PRCD: variants seen among roughly 807,000 people sequenced by gnomAD.
PRCD encodes photoreceptor disk component PRCD.
In PRCD, 12 loss-of-function variants were observed where a neutral mutation model predicts 10.1. That is an observed-to-expected ratio of 1.18 (90% CI 0.76 to 1.92). The LOEUF (loss-of-function observed/expected upper bound fraction) is 1.92. Ranked by LOEUF, PRCD falls within the 40% of genes most tolerant of loss-of-function variation. The probability of loss-of-function intolerance (pLI) is 0.00; values close to 1 mark genes in which losing one functional copy is unlikely to be tolerated. For missense variants in PRCD, 61 were observed against 72.2 expected (o/e 0.84, Z 0.56); for synonymous variants, 31 against 26.2 (o/e 1.18, Z -0.56).
chr17:76,532,881 A>C (rs2074864698), intron 1 of PRCD, among the ~76,000 whole-genome samples: 1 of 152,196 alleles, frequency 6.6e-6, no homozygotes, highest in Admixed American at 6.5e-5. Flanking sequence ...GCTGGATGTC[A>C]TGTGAGACAT....
chr17:76,531,201 C>T lies in PRCD; in HGVS notation n.45+3368C>T. 6.5e-7 allele frequency: 1 copy of T among 1,540,678 alleles called. No individual in the cohort carries two copies. ...CCGGGCGCCCTGCGTCCTGCAACCC[C>T]CAGGCCCCTCCGCCCCACGTGTGGC... On this transcript the variant is annotated intron_variant and non_coding_transcript_variant, in intron 1 of 4. Transcript: ENST00000397633. This position sits in a 1 kb window ranked among gnomAD's most constrained non-coding sequence, Gnocchi z 7.4.
chr17:76,528,738 G>T lies in PRCD; in HGVS notation n.45+905G>T. On this transcript the variant is annotated intron_variant and non_coding_transcript_variant, in intron 1 of 4. Transcript: ENST00000397633. This position sits in a 1 kb window ranked among gnomAD's most constrained non-coding sequence, Gnocchi z 5.8. The stretch of plus-strand genomic sequence containing the variant: ...CCAAGAGATCCGGCACAGTGCAGTT[G>T]AAAGCAACCGTGAGACCCAAGTTCT... 1 of 1,065,306 alleles carries T rather than the reference G, an allele frequency of 9.4e-7. No individual in the cohort carries two copies. Among genetic ancestry groups the T allele is most frequent in the Non-Finnish European group, 1.2e-6 (1 of 824,792 alleles). The allele number at this position is 1,065,306 out of a possible 1,614,324, so 66.0% of individuals were successfully genotyped here.
chr17:76,546,907 G>A (rs973714146), downstream of PRCD: 1 of 152,248 alleles, frequency 6.6e-6, no homozygotes, highest in Non-Finnish European at 1.5e-5. This position sits in a 1 kb window ranked among gnomAD's most constrained non-coding sequence, Gnocchi z 4.5. Context: ...ATAGCTGGCA[G>A]TGAAGCCAGG....
chr17:76,543,480 C>T, intron 4 of PRCD: 1 of 345,154 alleles, frequency 2.9e-6, no homozygotes, highest in East Asian at 7.6e-5. Flanking sequence ...TTCAGTCACC[C>T]ACAGAGCCTG....
At position 76,544,838 on chromosome 17, in the gene PRCD, C is replaced by T. The variant is rs887925408; in HGVS notation, c.*1188C>T. ...TCCACTGGTCTGAGGAATTGTCAGG[C>T]CAAGGTCATGGAGCTGGCTCACGGC... On this transcript the variant is annotated 3_prime_UTR_variant, in exon 5 of 5. Coordinates refer to ENST00000592014, the MANE Select transcript of PRCD (RefSeq NM_001077620.3). 15 of 456,828 alleles carry T rather than the reference C, an allele frequency of 3.3e-5. No individual in the cohort carries two copies. Among genetic ancestry groups the T allele is most frequent in the East Asian group, 1.4e-4 (2 of 14,402 alleles). 28.3% of individuals were successfully genotyped at this position (456,828 alleles called of 1,614,324 possible). A position where few individuals can be genotyped will look rare whatever the true frequency, so the allele number is the denominator to read the frequency against.
At chr17:76,535,237 A>C (rs1188191902), upstream of PRCD, among the ~76,000 whole-genome samples, 1 of 152,200 alleles carries the variant, frequency 6.6e-6, no homozygotes, top group Non-Finnish European at 1.5e-5. Flanking sequence ...CTGCAGGCTC[A>C]TAAGGGCTGA....
At chr17:76,537,658 G>T, upstream of PRCD, 2 of 921,692 alleles carry the variant, frequency 2.2e-6, no homozygotes, top group South Asian at 4.8e-5. Flanking sequence ...GCGGGCGAGG[G>T]GTAGAGCGCG....
Position 76,551,447 on chromosome 17 carries a change from GT to G in PRCD, n.84-1660del, listed in dbSNP as rs2075108292. On this transcript the variant is annotated intron_variant and non_coding_transcript_variant, in intron 1 of 1. Coordinates refer to the PRCD transcript ENST00000587063. ...TGCATCGCTTTTTTTCCTGTACACT[GT>G]TGGCAAGCACAGATAATCCACAACT... The G allele has an allele frequency of 2.0e-5, 3 of 152,304 alleles. No individual in the cohort carries two copies. In the East Asian group the frequency reaches 5.8e-4, roughly 29 times the overall value. The allele number at this position is 152,304 out of a possible 1,614,324, so 9.4% of individuals were successfully genotyped here. A position where few individuals can be genotyped will look rare whatever the true frequency, so the allele number is the denominator to read the frequency against.
Position 76,544,285 on chromosome 17 carries a change from T to C in PRCD, c.*635T>C, listed in dbSNP as rs1453284035. ...GTCTCTGCCTGGCTGGCCCGTGCCCTTGACTTCCAGGCAGTAGAAGATGGA... is the reference window on the plus strand; with the variant it reads ...GTCTCTGCCTGGCTGGCCCGTGCCCCTGACTTCCAGGCAGTAGAAGATGGA... On this transcript the variant is annotated 3_prime_UTR_variant, in exon 5 of 5. Coordinates refer to ENST00000592014, the MANE Select transcript of PRCD (RefSeq NM_001077620.3). The C allele has an allele frequency of 2.2e-6, 1 of 454,348 alleles. No individual in the cohort carries two copies. The highest frequency in any genetic ancestry group is 1.6e-5 in the South Asian group (1 of 64,478). 28.1% of individuals were successfully genotyped at this position (454,348 alleles called of 1,614,324 possible). A position where few individuals can be genotyped will look rare whatever the true frequency, so the allele number is the denominator to read the frequency against.
At chr17:76,532,814 G>A (rs1387885782) in intron 1 of PRCD, among the ~76,000 whole-genome samples, 2 of 152,172 alleles carry the variant, frequency 1.3e-5, no homozygotes, top group African/African-American at 4.8e-5. Flanking sequence ...TGGGATTACA[G>A]GTGTGAGCCA....
rs886869694 is a variant in PRCD at position 76,544,601 on chromosome 17, G to A, written c.*951G>A. 13 of 456,628 alleles carry A rather than the reference G, an allele frequency of 2.8e-5. No homozygotes were observed. Among genetic ancestry groups the A allele is most frequent in the Non-Finnish European group, 4.4e-5 (10 of 226,984 alleles). The allele number at this position is 456,628 out of a possible 1,614,324, so 28.3% of individuals were successfully genotyped here. On this transcript the variant is annotated 3_prime_UTR_variant, in exon 5 of 5. Transcript: ENST00000592014. ...CCAGAGCGCCAGCCTGACCCAGGCC[G>A]TGAGCCCGTGATCGCCTGTCTCAGC...
chr17:76,535,675 A>T (rs1338844062), upstream of PRCD, among the ~76,000 whole-genome samples: 1 of 152,128 alleles, frequency 6.6e-6, no homozygotes, highest in East Asian at 1.9e-4. Context: ...GGGGAACTGG[A>T]AGAGGGGTGT....
In PRCD at chr17:76,544,800, T is replaced by C. The variant is rs987868085; in HGVS notation, c.*1150T>C. On this transcript the variant is annotated 3_prime_UTR_variant, in exon 5 of 5. Transcript: ENST00000592014. ...CCTCATCCTTGCTGCCATTTCCGAGTTGCTCATCTCCTTCCACTGGTCTGA... is the reference window on the plus strand; with the variant it reads ...CCTCATCCTTGCTGCCATTTCCGAGCTGCTCATCTCCTTCCACTGGTCTGA... 1 of 456,696 alleles carries C rather than the reference T, an allele frequency of 2.2e-6. No individual in the cohort carries two copies. The highest frequency in any genetic ancestry group is 2.0e-5 in the African/African-American group (1 of 50,096). The allele number at this position is 456,696 out of a possible 1,614,324, so 28.3% of individuals were successfully genotyped here. A position where few individuals can be genotyped will look rare whatever the true frequency, so the allele number is the denominator to read the frequency against.
intron 1 of PRCD, among the ~76,000 whole-genome samples, chr17:76,532,254 G>A (rs747128240): frequency 9.9e-5 from 15 of 152,208 alleles, no homozygotes; most frequent in Middle Eastern, 3.4e-3. Flanking sequence ...CACTATACTC[G>A]CATCATCCCT....
In PRCD at chr17:76,530,420, A is replaced by G. The variant is rs563274569; in HGVS notation, n.45+2587A>G. On this transcript the variant is annotated intron_variant and non_coding_transcript_variant, in intron 1 of 4. Coordinates refer to the PRCD transcript ENST00000397633. This position sits in a 1 kb window ranked among gnomAD's most constrained non-coding sequence, Gnocchi z 6.1. ...CCTCCAGGTCAGCCTGGAAGTAAAC[A>G]TGCCCCTGCTCGTGTGCGTGTGAGC... 2.5e-4 allele frequency among the ~76,000 whole-genome samples: 38 copies of G among 152,200 alleles called. No individual in the cohort carries two copies. Among genetic ancestry groups the G allele is most frequent in the African/African-American group, 7.9e-4 (33 of 41,540 alleles).
At position 76,540,183 on chromosome 17, in the gene PRCD, C is replaced by T. The variant is rs1480669189; in HGVS notation, c.42C>T (p.Leu14=). 5.2e-6 allele frequency: 8 copies of T among 1,538,034 alleles called. No individual in the cohort carries two copies. The highest frequency in any genetic ancestry group is 2.6e-6 in the Non-Finnish European group (3 of 1,135,822). Reference sequence around the variant, plus strand: ...TCCTGCTCAGCACCCTGGCCATGCTCTGGCGCCGCCGATTTGCCAACCGAG... The same window carrying T: ...TCCTGCTCAGCACCCTGGCCATGCTTTGGCGCCGCCGATTTGCCAACCGAG... ...TLFLLSTLAM[L]WRRRFANRVQ... Residue 14 remains leucine, a synonymous_variant, in exon 1 of 5, where the codon CTC becomes CTT. Coordinates refer to ENST00000592014, the MANE Select transcript of PRCD (RefSeq NM_001077620.3). The surrounding 1 kb of genome is among the most constrained non-coding windows in gnomAD (Gnocchi z 5.0).
At position 76,544,478 on chromosome 17, in the gene PRCD, G is replaced by A; in HGVS notation, c.*828G>A. The A allele has an allele frequency of 2.2e-6, 1 of 455,772 alleles. No individual in the cohort carries two copies. The highest frequency in any genetic ancestry group is 4.4e-6 in the Non-Finnish European group (1 of 226,996). 28.2% of individuals were successfully genotyped at this position (455,772 alleles called of 1,614,324 possible). ...GCTGGTACCTCGGGGAGCCTGGCTGGGGTGTGTGCGAAGGCAGTTCTGTGG... is the reference window on the plus strand; with the variant it reads ...GCTGGTACCTCGGGGAGCCTGGCTGAGGTGTGTGCGAAGGCAGTTCTGTGG... On this transcript the variant is annotated 3_prime_UTR_variant, in exon 5 of 5. Coordinates refer to ENST00000592014, the MANE Select transcript of PRCD (RefSeq NM_001077620.3).
chr17:76,537,643 G>A (rs866977912), upstream of PRCD: 8 of 959,392 alleles, frequency 8.3e-6, no homozygotes, highest in African/African-American at 1.4e-4. Context: ...CTGCGTGCGC[G>A]GCGGGCGGGC....
At chr17:76,535,812 C>T (rs975453405), upstream of PRCD, among the ~76,000 whole-genome samples, 5 of 152,186 alleles carry the variant, frequency 3.3e-5, no homozygotes, top group East Asian at 1.9e-4. Flanking sequence ...AATGGTGTTC[C>T]ATGATGTGGA....
Sources: gnomAD v4.1 joint callset for allele counts (sites outside exome capture counted in the v4.1 genomes callset) on GRCh38, gnomAD v4.1.1 for gene constraint, Gnocchi (gnomAD v3.1) non-coding constraint, MANE v1.5 for transcripts, NCBI Gene and HGNC (gene_info 2026-07-23, HGNC 2026-07-21) for gene names.